DOCK2: variants seen among roughly 807,000 people sequenced by gnomAD.
DOCK2 encodes dedicator of cytokinesis 2.
DOCK2 carries 87 observed loss-of-function variants against 248.9 expected under a neutral mutation model. The ratio of observed to expected loss-of-function variants is 0.35; its 90% CI spans 0.29 to 0.42. The LOEUF (loss-of-function observed/expected upper bound fraction) is 0.42. Ranked by LOEUF, DOCK2 falls within the 10% of genes least tolerant of loss-of-function variation. The pLI is 1.00. For synonymous variants in DOCK2, 805 were observed against 821.6 expected, an observed-to-expected ratio of 0.98 and a Z score of 0.35; for missense variants, 1,747 against 2,300.2, an observed-to-expected ratio of 0.76 and a Z score of 4.92.
At chr5:169,882,781 C>T (rs747332059) in intron 27 of DOCK2, 1 of 1,551,462 alleles carries the variant, frequency 6.4e-7, no homozygotes, top group Admixed American at 2.0e-5. Context: ...ACTTCCTGGA[C>T]AATTTGGAAA....
Position 169,896,220 on chromosome 5 carries a change from C to T in DOCK2, c.2799+55368C>T, listed in dbSNP as rs373158809. Among the ~76,000 whole-genome samples, 186 of 152,272 alleles carry T rather than the reference C, an allele frequency of 1.2e-3. 4 individuals carry two copies. The South Asian group carries it at 0.037, about 30-fold the overall frequency. ...GTCAGCAGTGAGCAACTTCTTAAAG[C>T]TCACATCAACATTCCCCATTCTGGA... is the stretch of plus-strand genomic sequence containing the variant. On this transcript the variant is annotated intron_variant, in intron 27 of 51. Transcript: ENST00000520908.
chr5:170,055,260 TC>T (rs761066496), intron 41 of DOCK2, 44 bp from the exon 42 acceptor site: 3 of 1,593,060 alleles, frequency 1.9e-6, no homozygotes, highest in Non-Finnish European at 2.6e-6. Context: ...CTTAAAACTG[TC>T]CCCGCAGCCA....
chr5:170,080,209 A>G lies in DOCK2; in HGVS notation c.5213A>G (p.His1738Arg), dbSNP rs774644564. The G allele has an allele frequency of 1.2e-6, 2 of 1,614,096 alleles. No individual in the cohort carries two copies. The highest frequency in any genetic ancestry group is 1.7e-6 in the Non-Finnish European group (2 of 1,180,008). ...EFMSDTNLSE[H>R]AAIPLKASVL... ...ATGAGTGACACCAACCTCTCGGAGC[A>G]TGCGGCCATCCCCCTCAAGGCGTCT... is the stretch of plus-strand genomic sequence containing the variant. Residue 1738 changes from histidine (H) to arginine (R), a missense_variant, in exon 50 of 52, where the codon CAT becomes CGT. This residue lies in a region of DOCK2 where 513 missense variants were observed against 586.1 expected (regional missense o/e 0.88). Coordinates refer to ENST00000520908, the MANE Select transcript of DOCK2 (RefSeq NM_004946.3).
At chr5:169,637,413 C>T in intron 1 of DOCK2, 44 bp downstream of exon 1, 4 of 1,316,892 alleles carry the variant, frequency 3.0e-6, no homozygotes, top group Non-Finnish European at 3.9e-6. Flanking sequence ...GGACAGGTGG[C>T]GGGAGAGCCG....
intron 23 of DOCK2, among the ~76,000 whole-genome samples, chr5:169,755,760 T>C (rs1244914386): frequency 6.6e-6 from 1 of 151,924 alleles, no homozygotes; most frequent in East Asian, 1.9e-4. Context: ...AATAAATAAA[T>C]TAAAAACAAT....
At chr5:169,734,440 A>C (rs932100859) in intron 22 of DOCK2, among the ~76,000 whole-genome samples, 5 of 152,048 alleles carry the variant, frequency 3.3e-5, no homozygotes, top group Non-Finnish European at 7.4e-5. Context: ...ATTATTTCCT[A>C]AAGCTAATTG....
At chr5:169,757,567 A>G (rs1581147428) in intron 23 of DOCK2, among the ~76,000 whole-genome samples, 1 of 152,326 alleles carries the variant, frequency 6.6e-6, no homozygotes, top group Admixed American at 6.5e-5. Context: ...AAATCTCTAG[A>G]TACAAAATCC....
At chr5:169,640,604 G>A in intron 1 of DOCK2, among the ~76,000 whole-genome samples, 1 of 152,204 alleles carries the variant, frequency 6.6e-6, no homozygotes, top group Non-Finnish European at 1.5e-5. Flanking sequence ...AGTCAAAGGA[G>A]GGTTTTAGGC....
At chr5:170,047,444 C>A (rs2113849832) in intron 39 of DOCK2, 66 bp from the exon 40 acceptor site, 1 of 1,435,964 alleles carries the variant, frequency 7.0e-7, no homozygotes, top group Non-Finnish European at 9.7e-7. Context: ...TCACCAAGGC[C>A]TCTTTGAGTT....
At chr5:169,902,826 G>A (rs752708351) in intron 27 of DOCK2, among the ~76,000 whole-genome samples, 6 of 152,230 alleles carry the variant, frequency 3.9e-5, no homozygotes, top group African/African-American at 1.2e-4. Context: ...GAGGCCAGGC[G>A]TGGTGGCTCA....
rs201129650 is a variant in DOCK2, at chr5:169,698,363, C to T, written c.980-11C>T. 34 of 1,613,388 alleles carry T rather than the reference C, an allele frequency of 2.1e-5. No homozygotes were observed. The highest frequency in any genetic ancestry group is 2.9e-5 in the Non-Finnish European group (34 of 1,179,418). Reference sequence around the variant, plus strand: ...AAGTTAAACCATTAATTCATTCTGTCTTCTTTCTAGTTATGGATATAACAG... The same window carrying T: ...AAGTTAAACCATTAATTCATTCTGTTTTCTTTCTAGTTATGGATATAACAG... On this transcript the variant is annotated splice_polypyrimidine_tract_variant and intron_variant, in intron 10 of 51. Coordinates refer to ENST00000520908, the MANE Select transcript of DOCK2 (RefSeq NM_004946.3).
intron 29 of DOCK2, among the ~76,000 whole-genome samples, chr5:169,994,499 T>C (rs547031414): frequency 2.4e-4 from 37 of 152,194 alleles, no homozygotes; most frequent in African/African-American, 8.0e-4. Context: ...AGTGTGCTCA[T>C]AGGAGGGGTG....
intron 27 of DOCK2, among the ~76,000 whole-genome samples, chr5:169,916,401 C>T (rs935260816): frequency 6.6e-6 from 1 of 152,172 alleles, no homozygotes; most frequent in African/African-American, 2.4e-5. Context: ...CTCCTATCAC[C>T]CCTGTTCTGG....
intron 30 of DOCK2, 84 bp from the exon 31 acceptor site, chr5:170,008,413 T>C (rs1026231458): frequency 7.1e-7 from 1 of 1,414,348 alleles, no homozygotes; most frequent in Non-Finnish European, 9.9e-7. Flanking sequence ...TCTGCCATCT[T>C]CATAAATTAT....
chr5:169,947,083 T>G (rs754142824), intron 27 of DOCK2, among the ~76,000 whole-genome samples: 13 of 152,216 alleles, frequency 8.5e-5, no homozygotes, highest in Admixed American at 5.9e-4. Context: ...TACGTTTATC[T>G]TTACACAACA....
chr5:169,777,468 C>G (rs569502461), intron 25 of DOCK2, among the ~76,000 whole-genome samples: 1 of 152,144 alleles, frequency 6.6e-6, no homozygotes, highest in Non-Finnish European at 1.5e-5. Flanking sequence ...TGGAACCAGA[C>G]GCCACAGTGG....
At position 169,875,437 on chromosome 5, in the gene DOCK2, C is replaced by A. The variant is rs139951493; in HGVS notation, c.2799+34585C>A. On this transcript the variant is annotated intron_variant, in intron 27 of 51. Transcript: ENST00000520908. Reference sequence around the variant, plus strand: ...TGGCTGAGTGGAACTCAGTGACAATCGAACATTCCACTGAGACCTAATATC... The same window carrying A: ...TGGCTGAGTGGAACTCAGTGACAATAGAACATTCCACTGAGACCTAATATC... The A allele has an allele frequency of 2.6e-4, 99 of 384,698 alleles. 1 individual carries two copies. The highest frequency in any genetic ancestry group is 7.3e-4 in the Middle Eastern group (1 of 1,376). The allele number at this position is 384,698 out of a possible 1,614,324, so 23.8% of individuals were successfully genotyped here. A position where few individuals can be genotyped will look rare whatever the true frequency, so the allele number is the denominator to read the frequency against.
Position 170,079,064 on chromosome 5 carries a change from T to C in DOCK2, c.5084T>C (p.Leu1695Pro). ...GGGAGCACCCTGCCTGAGGTCAAGC[T>C]GCGGAGGTCCAAGAAGAGGACAAAG... ...SPGSTLPEVKLRRSKKRTKRS... is the reference protein window; with the variant it reads ...SPGSTLPEVKPRRSKKRTKRS... The change falls in exon 49 of 52, where the codon CTG becomes CCG. Residue 1695 changes from leucine to proline, a missense_variant. Leu to Pro is a moderately conservative substitution (Grantham distance 98). This residue lies in a region of DOCK2 where 513 missense variants were observed against 586.1 expected (regional missense o/e 0.88). Coordinates refer to ENST00000520908, the MANE Select transcript of DOCK2 (RefSeq NM_004946.3). 1 of 1,614,128 alleles carries C rather than the reference T, an allele frequency of 6.2e-7. No homozygotes were observed. Among genetic ancestry groups the C allele is most frequent in the Non-Finnish European group, 8.5e-7 (1 of 1,180,026 alleles).
At chr5:169,718,575 G>A (rs1762024473) in intron 21 of DOCK2, 82 bp from the exon 22 acceptor site, 1 of 1,500,084 alleles carries the variant, frequency 6.7e-7, no homozygotes, top group African/African-American at 1.4e-5. Context: ...TTTAACCTTT[G>A]ATTGAATGCC....
Sources: gnomAD v4.1 joint callset for allele counts (sites outside exome capture counted in the v4.1 genomes callset) on GRCh38, gnomAD v4.1.1 for gene constraint, gnomAD v4.1.1 regional missense constraint, MANE v1.5 for transcripts, NCBI Gene and HGNC (gene_info 2026-07-23, HGNC 2026-07-21) for gene names.